Variants in DENND1A observed in about 807,000 individuals in gnomAD.
DENND1A encodes the protein DENN domain-containing protein 1A.
Under a neutral mutation model 113.7 loss-of-function variants are expected in DENND1A, and 51 were observed. The observed-to-expected ratio is 0.45, with a 90% CI of 0.36 to 0.57. The LOEUF is 0.57. Ranked by LOEUF, DENND1A falls within the 20% of genes least tolerant of loss-of-function variation. DENND1A has a pLI of 0.00. For synonymous variants in DENND1A, 565 were observed against 570.8 expected, an observed-to-expected ratio of 0.99 and a Z score of 0.14; for missense variants, 1,258 against 1,395.9, an observed-to-expected ratio of 0.90 and a Z score of 1.57.
At chr9:123,902,192 C>T (rs1016311548) in intron 1 of DENND1A, among the ~76,000 whole-genome samples, 3 of 149,842 alleles carry the variant, frequency 2.0e-5, no homozygotes, top group Non-Finnish European at 4.5e-5. Flanking sequence ...CACACACACA[C>T]ACACACACAC....
chr9:123,768,476 A>G (rs1829189984), intron 4 of DENND1A, among the ~76,000 whole-genome samples: 1 of 152,212 alleles, frequency 6.6e-6, no homozygotes, highest in Non-Finnish European at 1.5e-5. Context: ...TTGTTTGGGT[A>G]CACTAAAATA....
intron 2 of DENND1A, among the ~76,000 whole-genome samples, chr9:123,856,041 A>T (rs567389893): frequency 6.6e-6 from 1 of 152,306 alleles, no homozygotes; most frequent in Non-Finnish European, 1.5e-5. Flanking sequence ...CCGTCTCAAA[A>T]ATAAAGAAAA....
chr9:123,898,341 A>AT (rs912368417), intron 1 of DENND1A, among the ~76,000 whole-genome samples: 2 of 151,554 alleles, frequency 1.3e-5, no homozygotes, highest in Admixed American at 1.3e-4. Flanking sequence ...TTTTTATTTT[A>AT]TTTTTTGAGA....
At chr9:123,754,543 A>G (rs576248373) in intron 5 of DENND1A, among the ~76,000 whole-genome samples, 54 of 152,256 alleles carry the variant, frequency 3.5e-4, no homozygotes, top group Middle Eastern at 3.4e-3. Flanking sequence ...AGACGACACT[A>G]TGCCTTGGGA....
chr9:123,746,596 A>G (rs2069530964), intron 5 of DENND1A, among the ~76,000 whole-genome samples: 1 of 152,144 alleles, frequency 6.6e-6, no homozygotes, highest in South Asian at 2.1e-4. Flanking sequence ...TTTGAGCATC[A>G]TGTTGGTGCT....
At chr9:123,578,695 C>T (rs1317013811) in intron 12 of DENND1A, among the ~76,000 whole-genome samples, 1 of 152,180 alleles carries the variant, frequency 6.6e-6, no homozygotes, top group Non-Finnish European at 1.5e-5. Context: ...GAATAAAACT[C>T]AATTACTGCT....
intron 19 of DENND1A, among the ~76,000 whole-genome samples, chr9:123,415,413 T>C (rs1004520347): frequency 6.6e-6 from 1 of 152,040 alleles, no homozygotes; most frequent in African/African-American, 2.4e-5. Context: ...GGGGTGCGCA[T>C]TGAAGACCCT....
At chr9:123,762,313 C>T (rs931512515) in intron 4 of DENND1A, among the ~76,000 whole-genome samples, 1 of 152,242 alleles carries the variant, frequency 6.6e-6, no homozygotes, top group Admixed American at 6.5e-5. Context: ...CTTGTAGCTT[C>T]CCGTGCCTAG....
chr9:123,529,768 T>C (rs971657095), intron 13 of DENND1A, among the ~76,000 whole-genome samples: 3 of 152,196 alleles, frequency 2.0e-5, no homozygotes, highest in Admixed American at 6.5e-5. Context: ...ACCCACATGA[T>C]AGAATAATGC....
intron 13 of DENND1A, among the ~76,000 whole-genome samples, chr9:123,504,813 C>G (rs1307471038): frequency 6.6e-6 from 1 of 152,196 alleles, no homozygotes; most frequent in Non-Finnish European, 1.5e-5. Flanking sequence ...ATGGAGGTGA[C>G]CAATCAGGGC....
In DENND1A at chr9:123,743,090, C is replaced by T. The variant is rs150957042; in HGVS notation, c.302+14613G>A. 7.0e-3 allele frequency among the ~76,000 whole-genome samples: 1,066 copies of T among 152,128 alleles called. 6 individuals carry two copies. Among genetic ancestry groups the T allele is most frequent in the African/African-American group, 0.024 (995 of 41,484 alleles). ...TACCAAAGATGTGCTATGCACTGTG[C>T]GTGGTATGTCCATTAAAAAAAAATC... On this transcript the variant is annotated intron_variant, in intron 5 of 23. Coordinates refer to ENST00000394215, the MANE Select transcript of DENND1A (RefSeq NM_001352964.2).
At chr9:123,486,286 A>G (rs1324789683) in intron 13 of DENND1A, among the ~76,000 whole-genome samples, 1 of 152,168 alleles carries the variant, frequency 6.6e-6, no homozygotes, top group Non-Finnish European at 1.5e-5. Context: ...TCAGAGGGCA[A>G]CGTGTCCCAG....
At chr9:123,534,160 T>C (rs1430723808) in intron 13 of DENND1A, among the ~76,000 whole-genome samples, 1 of 152,190 alleles carries the variant, frequency 6.6e-6, no homozygotes, top group Non-Finnish European at 1.5e-5. Flanking sequence ...AAACAGACAT[T>C]TTCGTCTTCC....
intron 1 of DENND1A, among the ~76,000 whole-genome samples, chr9:123,896,219 G>C (rs993094430): frequency 3.3e-5 from 5 of 152,122 alleles, no homozygotes; most frequent in African/African-American, 1.2e-4. Flanking sequence ...GGCTGAGGCA[G>C]GATGTTAGCT....
intron 19 of DENND1A, among the ~76,000 whole-genome samples, chr9:123,416,043 C>T (rs1041159860): frequency 6.6e-6 from 1 of 152,124 alleles, no homozygotes; most frequent in Non-Finnish European, 1.5e-5. Flanking sequence ...AGAGTGGCCC[C>T]GGTGCTCTAG....
At chr9:123,740,331 T>C (rs966430556) in intron 5 of DENND1A, among the ~76,000 whole-genome samples, 3 of 152,200 alleles carry the variant, frequency 2.0e-5, no homozygotes, top group South Asian at 4.1e-4. Context: ...TCTAAATATA[T>C]TTTCTAACTA....
intron 2 of DENND1A, among the ~76,000 whole-genome samples, chr9:123,844,878 A>G (rs993016137): frequency 1.3e-5 from 2 of 152,242 alleles, no homozygotes; most frequent in African/African-American, 4.8e-5. Context: ...CAGGATTCAG[A>G]GTCCAGAAAT....
At chr9:123,921,593 C>G (rs1024712391) in intron 1 of DENND1A, among the ~76,000 whole-genome samples, 1 of 152,196 alleles carries the variant, frequency 6.6e-6, no homozygotes, top group Non-Finnish European at 1.5e-5. Context: ...CTCTCTAAAT[C>G]TACCATGAAC....
At chr9:123,666,908 T>C (rs1433388921) in intron 8 of DENND1A, 118 bp downstream of exon 8, 14 of 1,060,430 alleles carry the variant, frequency 1.3e-5, no homozygotes, top group Non-Finnish European at 1.8e-5. Context: ...AATGTGTTTT[T>C]TAAAAACCAT....
Sources: allele counts gnomAD v4.1 joint callset (sites outside exome capture counted in the v4.1 genomes callset), GRCh38; gene constraint gnomAD v4.1.1; transcripts MANE v1.5; gene names NCBI Gene and HGNC (gene_info 2026-07-23, HGNC 2026-07-21).